The following KAZN variants were observed in gnomAD, a reference collection of about 807,000 sequenced individuals.
KAZN encodes the protein kazrin, periplakin interacting protein, also known as kazrin.
Under a neutral mutation model 87.4 loss-of-function variants are expected in KAZN, and 40 were observed. The ratio of observed to expected loss-of-function variants is 0.46; its 90% confidence interval spans 0.36 to 0.60. The LOEUF (loss-of-function observed/expected upper bound fraction) is 0.60, where lower values mean the gene tolerates loss of function less well. Among genes scored for constraint, KAZN ranks in the 20% least tolerant of loss-of-function variants. The pLI, the probability that KAZN is intolerant of heterozygous loss-of-function variation, is 0.00. For missense variants in KAZN, 898 were observed against 1,073.9 expected, an observed-to-expected ratio of 0.84 and a Z score of 2.29; for synonymous variants, 466 against 458.3, an observed-to-expected ratio of 1.02 and a Z score of -0.22.
At chr1:14,671,999 G>A (rs890690654) in intron 1 of KAZN, among the ~76,000 whole-genome samples, 8 of 152,074 alleles carry the variant, frequency 5.3e-5, no homozygotes, top group African/African-American at 1.9e-4. Context: ...AATTATTGTT[G>A]GCCTTTCATT....
chr1:14,014,228 G>A (rs905185309), intron 1 of KAZN, among the ~76,000 whole-genome samples: 13 of 151,974 alleles, frequency 8.6e-5, no homozygotes, highest in African/African-American at 2.9e-4. Context: ...TTGTTCTGCC[G>A]AATCTGGAAT....
chr1:14,596,868 T>C (rs1676543169), upstream of KAZN, among the ~76,000 whole-genome samples: 1 of 152,256 alleles, frequency 6.6e-6, no homozygotes, highest in Non-Finnish European at 1.5e-5. Flanking sequence ...TATTTCTGCC[T>C]TCTGGCTACT....
rs1217843243 is a variant in KAZN at position 14,773,735 on chromosome 1, C to T, written c.226+174512C>T. ...TAGCCTGGCAGTGCTGCTAATGAGG[C>T]CTCTGTGGCCTGGGCTTCCGGGGCT... On this transcript the variant is annotated intron_variant, in intron 1 of 14. Coordinates refer to ENST00000376030, the MANE Select transcript of KAZN (RefSeq NM_201628.3). The surrounding 1 kb of genome is among the most constrained non-coding windows in gnomAD (Gnocchi z 5.9). Among the ~76,000 whole-genome samples, 1 of 152,174 alleles carries T rather than the reference C, an allele frequency of 6.6e-6. No homozygotes were observed. Among genetic ancestry groups the T allele is most frequent in the Non-Finnish European group, 1.5e-5 (1 of 68,044 alleles).
chr1:14,313,643 G>A (rs1270287064), intron 2 of KAZN, among the ~76,000 whole-genome samples: 2 of 152,092 alleles, frequency 1.3e-5, no homozygotes, highest in Non-Finnish European at 2.9e-5. Flanking sequence ...AAATTAAGTG[G>A]TTTGACCTGC....
At chr1:14,252,154 C>T (rs1179220280) in intron 2 of KAZN, among the ~76,000 whole-genome samples, 1 of 152,296 alleles carries the variant, frequency 6.6e-6, no homozygotes, top group South Asian at 2.1e-4. Flanking sequence ...ATGCTTTTAT[C>T]TATAAATGTG....
chr1:15,005,786 G>A (rs377277704), intron 2 of KAZN, among the ~76,000 whole-genome samples: 1,912 of 125,690 alleles, frequency 0.015, 53 homozygotes, highest in African/African-American at 0.062. Flanking sequence ...ATACAACTCC[G>A]TCTCCAAAAA....
chr1:13,895,587 A>C (rs1000477416), intron 1 of KAZN, among the ~76,000 whole-genome samples: 2 of 152,152 alleles, frequency 1.3e-5, no homozygotes, highest in African/African-American at 2.4e-5. Flanking sequence ...AAAAGAGCTC[A>C]CTCAATTAGG....
intron 2 of KAZN, among the ~76,000 whole-genome samples, chr1:14,525,475 C>T (rs1201378259): frequency 2.0e-5 from 3 of 152,210 alleles, no homozygotes; most frequent in South Asian, 2.1e-4. Context: ...GCTTGTGTTC[C>T]GATAAAACTT....
At chr1:14,355,487 T>TA (rs1439594974) in intron 2 of KAZN, among the ~76,000 whole-genome samples, 3 of 152,152 alleles carry the variant, frequency 2.0e-5, no homozygotes, top group Non-Finnish European at 4.4e-5. Context: ...GCAGGTTTGT[T>TA]ACATAAGTAT....
chr1:15,048,711 T>C (rs372202541), intron 4 of KAZN, among the ~76,000 whole-genome samples: 4,883 of 140,878 alleles, frequency 0.035, 159 homozygotes, highest in South Asian at 0.054. Flanking sequence ...CCTTGGTCGT[T>C]GGTCCTGGGT....
intron 2 of KAZN, among the ~76,000 whole-genome samples, chr1:14,330,217 A>C (rs1358064311): frequency 6.6e-6 from 1 of 152,164 alleles, no homozygotes; most frequent in Non-Finnish European, 1.5e-5. Flanking sequence ...GTTCTTATTA[A>C]ACACATACAA....
At chr1:14,592,729 A>G (rs907848601) in intron 2 of KAZN, among the ~76,000 whole-genome samples, 2 of 152,178 alleles carry the variant, frequency 1.3e-5, no homozygotes, top group Non-Finnish European at 2.9e-5. Context: ...GCCACTTGCC[A>G]ACCCAAAGAA....
At chr1:13,939,694 C>T (rs1006273292) in intron 1 of KAZN, among the ~76,000 whole-genome samples, 1 of 152,106 alleles carries the variant, frequency 6.6e-6, no homozygotes, top group African/African-American at 2.4e-5. Context: ...GAACAAATAC[C>T]TGAGACTGGG....
intron 1 of KAZN, among the ~76,000 whole-genome samples, chr1:14,815,338 C>T (rs1169834454): frequency 6.6e-6 from 1 of 152,170 alleles, no homozygotes; most frequent in Non-Finnish European, 1.5e-5. Context: ...GTTGGCAGTC[C>T]TCTGACCCCC....
chr1:14,995,520 G>A (rs1435720542), intron 2 of KAZN, among the ~76,000 whole-genome samples: 1 of 152,156 alleles, frequency 6.6e-6, no homozygotes, highest in Non-Finnish European at 1.5e-5. Context: ...CTACTCAGGA[G>A]GCTGAGGCAG....
chr1:14,609,288 A>G (rs1302086324), intron 1 of KAZN, among the ~76,000 whole-genome samples: 3 of 152,196 alleles, frequency 2.0e-5, no homozygotes, highest in Non-Finnish European at 2.9e-5. Flanking sequence ...TCGGGCAAAC[A>G]TGCTCAGAGT....
At chr1:14,352,382 A>C (rs956101993) in intron 2 of KAZN, among the ~76,000 whole-genome samples, 2 of 152,122 alleles carry the variant, frequency 1.3e-5, no homozygotes, top group African/African-American at 2.4e-5. Flanking sequence ...GAAATAATAT[A>C]ATATGGTCTT....
At chr1:14,139,965 GTGT>G (rs746963869) in intron 1 of KAZN, among the ~76,000 whole-genome samples, 7 of 69,446 alleles carry the variant, frequency 1.0e-4, no homozygotes, top group Non-Finnish European at 5.0e-5. Flanking sequence ...GTGTGTGTGT[GTGT>G]GGTATGTATG....
chr1:14,102,020 A>G (rs1455619756), intron 1 of KAZN, among the ~76,000 whole-genome samples: 1 of 152,134 alleles, frequency 6.6e-6, no homozygotes, highest in Non-Finnish European at 1.5e-5. Context: ...AACAACTTCA[A>G]AGAAGATGAA....
Sources: allele counts gnomAD v4.1 joint callset (sites outside exome capture counted in the v4.1 genomes callset), GRCh38; gene constraint gnomAD v4.1.1; non-coding constraint Gnocchi (gnomAD v3.1); transcripts MANE v1.5; gene names NCBI Gene and HGNC (gene_info 2026-07-23, HGNC 2026-07-21).